SNTG1: variants seen among roughly 807,000 people sequenced by gnomAD.
SNTG1 encodes the protein gamma-1-syntrophin.
In SNTG1, 39 loss-of-function variants were observed where a neutral mutation model predicts 74.7. The observed-to-expected ratio is 0.52, with a 90% CI of 0.40 to 0.68. The LOEUF is 0.68. Among genes scored for constraint, SNTG1 ranks in the 30% least tolerant of loss-of-function variants. The pLI, the probability that SNTG1 is intolerant of heterozygous loss-of-function variation, is 0.00. For missense variants in SNTG1, 685 were observed against 609.5 expected (o/e 1.12, Z -1.30); for synonymous variants, 254 against 217.1 (o/e 1.17, Z -1.49).
At chr8:50,448,278 T>G (rs1465030358) in intron 5 of SNTG1, among the ~76,000 whole-genome samples, 2 of 152,136 alleles carry the variant, frequency 1.3e-5, no homozygotes, top group Non-Finnish European at 2.9e-5. Flanking sequence ...ATATTTCTTC[T>G]TAATATTCTG....
At chr8:50,207,986 C>A (rs775992872) in intron 2 of SNTG1, among the ~76,000 whole-genome samples, 2 of 152,088 alleles carry the variant, frequency 1.3e-5, no homozygotes, top group Non-Finnish European at 2.9e-5. Context: ...TTACTTCCAA[C>A]TATGTGGTCA....
At chr8:50,725,017 CAAAT>C (rs956249101) in intron 17 of SNTG1, among the ~76,000 whole-genome samples, 4 of 151,848 alleles carry the variant, frequency 2.6e-5, no homozygotes, top group African/African-American at 7.3e-5. Flanking sequence ...CTAATGGAGA[CAAAT>C]AAATATCATT....
intron 13 of SNTG1, among the ~76,000 whole-genome samples, chr8:50,596,423 T>A (rs1437610983): frequency 6.6e-6 from 1 of 152,070 alleles, no homozygotes; most frequent in Non-Finnish European, 1.5e-5. Context: ...TTTACAGTAT[T>A]CTTTTTATTT....
chr8:50,304,543 G>A (rs2089792834), intron 2 of SNTG1, among the ~76,000 whole-genome samples: 1 of 152,070 alleles, frequency 6.6e-6, no homozygotes. Context: ...TAAAACTAAA[G>A]TGGAGGCAAA....
rs368379184 is a variant in SNTG1 at position 50,143,052 on chromosome 8, G to T, written c.-102-29509G>T. On this transcript the variant is annotated intron_variant, in intron 1 of 18. Transcript: ENST00000642720. ...TCACTCCACTGCACTCCAGCCTGGGGGCCAGAGCAAGACTCCATCTCAAAA... is the reference window on the plus strand; with the variant it reads ...TCACTCCACTGCACTCCAGCCTGGGTGCCAGAGCAAGACTCCATCTCAAAA... 4.0e-5 allele frequency among the ~76,000 whole-genome samples: 6 copies of T among 151,546 alleles called. No individual in the cohort carries two copies. The East Asian group carries it at 9.7e-4, about 25-fold the overall frequency.
At chr8:50,531,568 T>C (rs1314040221) in intron 10 of SNTG1, among the ~76,000 whole-genome samples, 2 of 152,106 alleles carry the variant, frequency 1.3e-5, no homozygotes, top group Non-Finnish European at 2.9e-5. Context: ...TTCACCGCGC[T>C]GGTGCACCTG....
chr8:50,179,159 G>T (rs998922740), intron 2 of SNTG1, among the ~76,000 whole-genome samples: 1 of 151,956 alleles, frequency 6.6e-6, no homozygotes, highest in Non-Finnish European at 1.5e-5. Context: ...CTGTTCCATT[G>T]GTCTATGTAT....
chr8:50,381,102 A>AT (rs1048809619), intron 2 of SNTG1: 2 of 152,278 alleles, frequency 1.3e-5, no homozygotes, highest in East Asian at 1.9e-4. Context: ...ATATATTGTC[A>AT]TTTTTTAAAC....
At chr8:50,502,646 T>C (rs1460017131) in intron 8 of SNTG1, 132 bp from the exon 9 acceptor site, 1 of 666,692 alleles carries the variant, frequency 1.5e-6, no homozygotes, top group Non-Finnish European at 2.6e-6. Flanking sequence ...GCTCCCTCTA[T>C]CTTTTATAAA....
chr8:50,386,440 T>G (rs2092575240), intron 2 of SNTG1, among the ~76,000 whole-genome samples: 1 of 97,250 alleles, frequency 1.0e-5, no homozygotes, highest in Non-Finnish European at 2.1e-5. Context: ...TGGGGGAGGC[T>G]GGGAGCAAGA....
At chr8:50,690,289 G>T (rs1192103116) in intron 15 of SNTG1, among the ~76,000 whole-genome samples, 2 of 152,054 alleles carry the variant, frequency 1.3e-5, no homozygotes, top group Non-Finnish European at 2.9e-5. Flanking sequence ...CCTTCTGCTA[G>T]CTTTTGAATG....
At chr8:50,466,798 G>C (rs925377416) in intron 8 of SNTG1, among the ~76,000 whole-genome samples, 17 of 151,982 alleles carry the variant, frequency 1.1e-4, no homozygotes, top group Non-Finnish European at 2.2e-4. Context: ...ATTGTAAACA[G>C]TATTGTTTTT....
intron 1 of SNTG1, among the ~76,000 whole-genome samples, chr8:49,984,048 T>G (rs190798094): frequency 1.4e-4 from 21 of 152,314 alleles, no homozygotes; most frequent in Admixed American, 1.4e-3. Context: ...TTGTGACATT[T>G]TATCTTTCAA....
At chr8:50,510,111 G>A (rs1287856586) in intron 9 of SNTG1, among the ~76,000 whole-genome samples, 1 of 152,146 alleles carries the variant, frequency 6.6e-6, no homozygotes, top group East Asian at 1.9e-4. Flanking sequence ...TTTATTGAGA[G>A]TTTTTAGCAT....
chr8:50,509,403 T>A (rs920889798), intron 9 of SNTG1, among the ~76,000 whole-genome samples: 2 of 152,214 alleles, frequency 1.3e-5, no homozygotes, highest in African/African-American at 4.8e-5. Context: ...ATGCGGACTC[T>A]TTTTTGGTTC....
intron 2 of SNTG1, among the ~76,000 whole-genome samples, chr8:50,298,870 T>C (rs920092038): frequency 6.6e-6 from 1 of 152,214 alleles, no homozygotes; most frequent in African/African-American, 2.4e-5. Flanking sequence ...ATGGACACTT[T>C]ATTCTTTGGT....
At chr8:50,707,177 T>C (rs1036630137) in intron 16 of SNTG1, among the ~76,000 whole-genome samples, 1 of 152,074 alleles carries the variant, frequency 6.6e-6, no homozygotes, top group African/African-American at 2.4e-5. Context: ...AAATCTAATT[T>C]AATTTGTAAT....
chr8:49,989,118 A>T (rs1320839430), intron 1 of SNTG1, among the ~76,000 whole-genome samples: 1 of 151,938 alleles, frequency 6.6e-6, no homozygotes, highest in Non-Finnish European at 1.5e-5. Context: ...AATAAATTTT[A>T]AAAAATGTAA....
Position 50,066,130 on chromosome 8 carries a change from G to A in SNTG1, c.-102-106431G>A, listed in dbSNP as rs905348940. 5.3e-5 allele frequency among the ~76,000 whole-genome samples: 8 copies of A among 152,132 alleles called. No individual in the cohort carries two copies. The East Asian group carries it at 1.2e-3, about 22-fold the overall frequency. ...CTCAGGAGGCTGAGGCAGGAGAATC[G>A]CTTGAACCTGGGAGGCGGAGGTTGC... On this transcript the variant is annotated intron_variant, in intron 1 of 18. Transcript: ENST00000642720.
Sources: gnomAD v4.1 joint callset for allele counts (sites outside exome capture counted in the v4.1 genomes callset) on GRCh38, gnomAD v4.1.1 for gene constraint, MANE v1.5 for transcripts, NCBI Gene and HGNC (gene_info 2026-07-23, HGNC 2026-07-21) for gene names.